The following RHEB variants were observed in gnomAD, a reference collection of about 807,000 sequenced individuals.
RHEB encodes GTP-binding protein Rheb.
A neutral mutation model predicts 28.8 loss-of-function variants in RHEB; 2 were observed. The ratio of observed to expected loss-of-function variants is 0.07; its 90% CI spans 0.03 to 0.22. The LOEUF is 0.22. RHEB is among the 10% of genes least tolerant of loss of function. RHEB has a pLI of 1.00. For missense variants in RHEB, 76 were observed against 219.9 expected (o/e 0.35, Z 4.14); for synonymous variants, 69 against 77.3 (o/e 0.89, Z 0.56).
At chr7:151,479,820 C>T (rs1399894497) in intron 3 of RHEB, among the ~76,000 whole-genome samples, 2 of 151,516 alleles carry the variant, frequency 1.3e-5, no homozygotes, top group African/African-American at 2.4e-5. Flanking sequence ...ATATACAAAA[C>T]GCTAATTTTC....
chr7:151,487,533 A>G (rs1172509423), intron 2 of RHEB, among the ~76,000 whole-genome samples: 3 of 152,312 alleles, frequency 2.0e-5, no homozygotes, highest in Admixed American at 6.5e-5. Context: ...AAGAAAAAAA[A>G]AAAAATAAAC....
intron 6 of RHEB, 115 bp from the exon 7 acceptor site, chr7:151,470,767 A>G: frequency 1.5e-6 from 1 of 666,270 alleles, no homozygotes; most frequent in Non-Finnish European, 2.6e-6. Flanking sequence ...ATGAAGCAGA[A>G]CCATGCCCTG....
chr7:151,470,711 A>G, intron 6 of RHEB, 59 bp from the exon 7 acceptor site: 1 of 1,191,004 alleles, frequency 8.4e-7, no homozygotes, highest in Non-Finnish European at 1.2e-6. Context: ...TAAAACATGT[A>G]TAATTGATTT....
At chr7:151,500,631 G>A (rs1458891746) in intron 1 of RHEB, among the ~76,000 whole-genome samples, 1 of 152,178 alleles carries the variant, frequency 6.6e-6, no homozygotes, top group Non-Finnish European at 1.5e-5. Context: ...ATCGCTTGAG[G>A]TCAGGAGTTT....
In RHEB at chr7:151,503,945, A is replaced by G. The variant is rs188398350; in HGVS notation, c.53-12931T>C. Among the ~76,000 whole-genome samples the G allele has an allele frequency of 2.3e-3, 348 of 152,300 alleles. 2 individuals are homozygous for G. The highest frequency in any genetic ancestry group is 7.6e-3 in the African/African-American group (316 of 41,552). The stretch of plus-strand genomic sequence containing the variant: ...ACATGGCATTCCCAGCTTAGACTGC[A>G]TAAGAAATAGATGTGGTGAAATGTT... On this transcript the variant is annotated intron_variant, in intron 1 of 7. Transcript: ENST00000262187.
chr7:151,498,349 T>G (rs1802709833), intron 1 of RHEB, among the ~76,000 whole-genome samples: 1 of 152,124 alleles, frequency 6.6e-6, no homozygotes, highest in Admixed American at 6.5e-5. Flanking sequence ...AAGGATACAG[T>G]AGCTGTAATC....
At chr7:151,482,602 C>T (rs1199572445) in intron 3 of RHEB, among the ~76,000 whole-genome samples, 2 of 152,152 alleles carry the variant, frequency 1.3e-5, no homozygotes, top group East Asian at 3.9e-4. Flanking sequence ...TTTTCAGGAG[C>T]TTAAAGGAGA....
At chr7:151,493,479 T>C (rs1021188427) in intron 1 of RHEB, among the ~76,000 whole-genome samples, 2 of 152,232 alleles carry the variant, frequency 1.3e-5, no homozygotes, top group Non-Finnish European at 2.9e-5. Context: ...ATTCATTTAG[T>C]GAACACTCCA....
intron 6 of RHEB, 113 bp from the exon 7 acceptor site, chr7:151,470,765 G>T: frequency 1.5e-6 from 1 of 679,942 alleles, no homozygotes; most frequent in Non-Finnish European, 2.5e-6. Flanking sequence ...TCATGAAGCA[G>T]AACCATGCCC....
At chr7:151,502,539 CAATT>C (rs1286832024) in intron 1 of RHEB, 1 of 1,031,292 alleles carries the variant, frequency 9.7e-7, no homozygotes, top group Non-Finnish European at 1.5e-6. Flanking sequence ...TCTTTCAAAC[CAATT>C]AATACGTCAT....
intron 1 of RHEB, among the ~76,000 whole-genome samples, chr7:151,510,360 T>C (rs1802960250): frequency 6.6e-6 from 1 of 152,262 alleles, no homozygotes; most frequent in Non-Finnish European, 1.5e-5. Context: ...GCTTTGTCAC[T>C]TAACAACAGT....
At chr7:151,503,627 C>T (rs573688861) in intron 1 of RHEB, among the ~76,000 whole-genome samples, 151 of 152,208 alleles carry the variant, frequency 9.9e-4, no homozygotes, top group Non-Finnish European at 1.8e-3. Context: ...CAGACCCAAC[C>T]CCACACTTTG....
intron 3 of RHEB, among the ~76,000 whole-genome samples, chr7:151,478,541 GA>G (rs1265170113): frequency 2.6e-5 from 4 of 152,088 alleles, no homozygotes; most frequent in Non-Finnish European, 1.5e-5. Context: ...GGAAACTGTG[GA>G]AACATAGAAA....
At chr7:151,518,514 T>G (rs961219961) in intron 1 of RHEB, among the ~76,000 whole-genome samples, 1 of 152,128 alleles carries the variant, frequency 6.6e-6, no homozygotes, top group African/African-American at 2.4e-5. Flanking sequence ...GGCTTCCGGA[T>G]GTCGGGAGAC....
chr7:151,470,434 A>C, intron 7 of RHEB, 137 bp downstream of exon 7: 1 of 572,702 alleles, frequency 1.7e-6, no homozygotes, highest in East Asian at 3.0e-5. Context: ...AGCAACACAA[A>C]ACTTGGTATT....
intron 4 of RHEB, among the ~76,000 whole-genome samples, chr7:151,475,948 A>G (rs1477592436): frequency 6.6e-6 from 1 of 152,230 alleles, no homozygotes; most frequent in African/African-American, 2.4e-5. Context: ...GAAAAAACAT[A>G]TACCAAGATA....
intron 1 of RHEB, chr7:151,498,209 T>G: frequency 8.4e-7 from 1 of 1,192,646 alleles, no homozygotes; most frequent in Non-Finnish European, 1.1e-6. Flanking sequence ...GTAAATAGAG[T>G]TTAAAGTACT....
At chr7:151,503,007 A>G in intron 1 of RHEB, 3 of 782,650 alleles carry the variant, frequency 3.8e-6, no homozygotes, top group South Asian at 2.7e-5. Context: ...ATTCAAGAAA[A>G]GAAATCAATA....
At chr7:151,500,624 G>A (rs745549364) in intron 1 of RHEB, among the ~76,000 whole-genome samples, 16 of 152,288 alleles carry the variant, frequency 1.1e-4, no homozygotes, top group Admixed American at 2.0e-4. Flanking sequence ...TGCGAAGATC[G>A]CTTGAGGTCA....
Sources: allele counts gnomAD v4.1 joint callset (sites outside exome capture counted in the v4.1 genomes callset), GRCh38; gene constraint gnomAD v4.1.1; transcripts MANE v1.5; gene names NCBI Gene and HGNC (gene_info 2026-07-23, HGNC 2026-07-21).